Variants in ITGB6 observed in about 807,000 individuals in gnomAD.
The protein encoded by ITGB6 is integrin beta-6.
In ITGB6, 80 loss-of-function variants were observed where a neutral mutation model predicts 84.5. The ratio of observed to expected loss-of-function variants is 0.95; its 90% CI spans 0.79 to 1.14. The LOEUF (loss-of-function observed/expected upper bound fraction) is 1.14, where lower values mean the gene tolerates loss of function less well. ITGB6 is among the 50% of genes most tolerant of loss of function. The probability of loss-of-function intolerance (pLI) is 0.00; values close to 1 mark genes in which losing one functional copy is unlikely to be tolerated. For synonymous variants in ITGB6, 383 were observed against 354.9 expected (o/e 1.08, Z -0.89); for missense variants, 1,006 against 968.0 (o/e 1.04, Z -0.52).
intron 7 of ITGB6, among the ~76,000 whole-genome samples, chr2:160,164,876 C>T (rs1168841685): frequency 6.6e-6 from 1 of 151,998 alleles, no homozygotes; most frequent in Non-Finnish European, 1.5e-5. Context: ...GATGATTTTT[C>T]ATGGTTAGGA....
intron 8 of ITGB6, among the ~76,000 whole-genome samples, chr2:160,138,655 C>T (rs1683869323): frequency 6.6e-6 from 1 of 152,110 alleles, no homozygotes; most frequent in Non-Finnish European, 1.5e-5. Context: ...TTTCTTAGCT[C>T]CCATAAATCA....
chr2:160,171,400 T>A (rs1218131652), intron 6 of ITGB6, among the ~76,000 whole-genome samples: 2 of 150,350 alleles, frequency 1.3e-5, no homozygotes, highest in East Asian at 3.9e-4. Context: ...AGTGGTGCGA[T>A]CTTGGCTCAC....
rs981042249 is a variant in ITGB6 at position 160,142,148 on chromosome 2, C to T, written c.1018-77G>A. 3 of 836,902 alleles carry T rather than the reference C, an allele frequency of 3.6e-6. No individual in the cohort carries two copies. The African/African-American group carries it at 5.3e-5, about 15-fold the overall frequency. 51.8% of individuals were successfully genotyped at this position (836,902 alleles called of 1,614,324 possible). ...AAAAGTGTGGGTTTGAGCCTGCTGGCTATGATTGCCTCTATTTAACTGGCC... is the reference window on the plus strand; with the variant it reads ...AAAAGTGTGGGTTTGAGCCTGCTGGTTATGATTGCCTCTATTTAACTGGCC... On this transcript the variant is annotated intron_variant, in intron 7 of 14. Coordinates refer to ENST00000283249, the MANE Select transcript of ITGB6 (RefSeq NM_000888.5).
intron 12 of ITGB6, among the ~76,000 whole-genome samples, chr2:160,118,329 C>T (rs1228987006): frequency 1.3e-5 from 2 of 152,218 alleles, no homozygotes; most frequent in Non-Finnish European, 2.9e-5. Flanking sequence ...ATCAAGTGGG[C>T]TTCATCCCTG....
intron 13 of ITGB6, among the ~76,000 whole-genome samples, chr2:160,111,794 G>C (rs1001348377): frequency 1.3e-5 from 2 of 151,920 alleles, no homozygotes; most frequent in African/African-American, 4.8e-5. Context: ...TGGCCAGGGT[G>C]GTCTCCAACT....
chr2:160,173,942 AAC>A, intron 5 of ITGB6, 30 bp downstream of exon 5: 1 of 1,567,734 alleles, frequency 6.4e-7, no homozygotes, highest in East Asian at 2.3e-5. Flanking sequence ...ATTTTATGTT[AAC>A]AGAGTGAAAC....
intron 12 of ITGB6, among the ~76,000 whole-genome samples, chr2:160,114,003 T>C (rs1682651247): frequency 6.6e-6 from 1 of 152,212 alleles, no homozygotes; most frequent in African/African-American, 2.4e-5. Context: ...TGAAACATTT[T>C]ATTCTGTGGT....
chr2:160,171,329 ATTTTTTTATT>A (rs1175533808), intron 6 of ITGB6, among the ~76,000 whole-genome samples: 25 of 123,932 alleles, frequency 2.0e-4, no homozygotes, highest in Admixed American at 3.2e-4. Flanking sequence ...AATCAAATTT[ATTTTTTTATT>A]TTTTTTTTTT....
At position 160,152,038 on chromosome 2, in the gene ITGB6, C is replaced by T. The variant is rs111683644; in HGVS notation, c.1018-9967G>A. On this transcript the variant is annotated intron_variant, in intron 7 of 14. Transcript: ENST00000283249. Reference sequence around the variant, plus strand: ...GAGATACAAGGAGGAGCTGGTACCACTCCTTCTGAAACTATTCCAATCAAT... The same window carrying T: ...GAGATACAAGGAGGAGCTGGTACCATTCCTTCTGAAACTATTCCAATCAAT... 8.7e-3 allele frequency among the ~76,000 whole-genome samples: 1,329 copies of T among 152,224 alleles called. 27 individuals are homozygous for T. The highest frequency in any genetic ancestry group is 0.031 in the African/African-American group (1,282 of 41,534).
chr2:160,113,975 C>T (rs149657851), intron 12 of ITGB6, among the ~76,000 whole-genome samples: 21 of 152,192 alleles, frequency 1.4e-4, no homozygotes, highest in African/African-American at 4.8e-4. Context: ...TCACTCTGCT[C>T]GCCTTGAACA....
intron 10 of ITGB6, among the ~76,000 whole-genome samples, chr2:160,134,732 G>C (rs188789284): frequency 2.6e-5 from 4 of 152,182 alleles, no homozygotes; most frequent in Non-Finnish European, 5.9e-5. Flanking sequence ...TCATCCCTGG[G>C]ATGCAAGGCT....
intron 7 of ITGB6, among the ~76,000 whole-genome samples, chr2:160,153,348 T>C (rs1011997484): frequency 2.0e-5 from 3 of 152,382 alleles, no homozygotes; most frequent in African/African-American, 7.2e-5. Flanking sequence ...AAGGATTCCC[T>C]ATTTAATAAA....
At chr2:160,131,684 C>A (rs535144246) in intron 10 of ITGB6, among the ~76,000 whole-genome samples, 1 of 152,164 alleles carries the variant, frequency 6.6e-6, no homozygotes, top group South Asian at 2.1e-4. Flanking sequence ...TACTAAAAAC[C>A]AAAATAGCTT....
At chr2:160,172,856 A>G (rs1295651210) in intron 5 of ITGB6, 126 bp from the exon 6 acceptor site, 13 of 663,208 alleles carry the variant, frequency 2.0e-5, no homozygotes, top group Non-Finnish European at 2.6e-5. Context: ...TAGCCTTTTT[A>G]TCTATCGTGA....
chr2:160,151,274 A>G (rs1684405368), intron 7 of ITGB6, among the ~76,000 whole-genome samples: 1 of 152,206 alleles, frequency 6.6e-6, no homozygotes, highest in Non-Finnish European at 1.5e-5. Context: ...TAAAATTAGA[A>G]CTCAGGATTA....
chr2:160,195,417 A>G lies in ITGB6; in HGVS notation c.545T>C (p.Val182Ala). The G allele has an allele frequency of 6.2e-7, 1 of 1,614,196 alleles. No homozygotes were observed. The highest frequency in any genetic ancestry group is 8.5e-7 in the Non-Finnish European group (1 of 1,180,004). ...LGFGSFVEKP[V>A]SPFVKTTPEE... Reference sequence around the variant, plus strand: ...TGGTGTTGTTTTCACAAAAGGGGATACAGGTTTTTCCACAAAAGATCCGAA... The same window carrying G: ...TGGTGTTGTTTTCACAAAAGGGGATGCAGGTTTTTCCACAAAAGATCCGAA... The change falls in exon 4 of 15, where the codon GTA becomes GCA. Residue 182 changes from valine to alanine, a missense_variant. By Grantham distance (64) the Val-to-Ala change is moderately conservative (BLOSUM62 0). Transcript: ENST00000283249.
rs1684983339 is a variant in ITGB6 at position 160,165,896 on chromosome 2, G to A, written c.1017+3316C>T. On this transcript the variant is annotated intron_variant, in intron 7 of 14. Transcript: ENST00000283249. ...ATGGTCAGGTGCCCCCACTTGCTCTGTGTCTGTGGGCTTCCTCAATCTTAA... is the reference window on the plus strand; with the variant it reads ...ATGGTCAGGTGCCCCCACTTGCTCTATGTCTGTGGGCTTCCTCAATCTTAA... Among the ~76,000 whole-genome samples the A allele has an allele frequency of 2.0e-5, 3 of 152,202 alleles. No homozygotes were observed. The South Asian group carries it at 6.2e-4, about 31-fold the overall frequency.
At chr2:160,121,367 C>T (rs1345195380) in intron 12 of ITGB6, among the ~76,000 whole-genome samples, 2 of 152,172 alleles carry the variant, frequency 1.3e-5, no homozygotes, top group Non-Finnish European at 2.9e-5. Context: ...AACCTAGTTT[C>T]CTATTTCTAA....
At chr2:160,105,413 G>C (rs975805030) in intron 14 of ITGB6, among the ~76,000 whole-genome samples, 2 of 152,158 alleles carry the variant, frequency 1.3e-5, no homozygotes, top group Non-Finnish European at 2.9e-5. Flanking sequence ...TCACTTGTCA[G>C]TATTTATGCC....
Sources: gnomAD v4.1 joint callset for allele counts (sites outside exome capture counted in the v4.1 genomes callset) on GRCh38, gnomAD v4.1.1 for gene constraint, MANE v1.5 for transcripts, NCBI Gene and HGNC (gene_info 2026-07-23, HGNC 2026-07-21) for gene names.